MCF2L2: variants seen among roughly 807,000 people sequenced by gnomAD.
MCF2L2 encodes MCF.2 cell line derived transforming sequence-like 2, also known as probable guanine nucleotide exchange factor MCF2L2.
MCF2L2 carries 102 observed loss-of-function variants against 150.2 expected under a neutral mutation model. The observed-to-expected ratio is 0.68, with a 90% confidence interval of 0.58 to 0.80. The LOEUF is 0.80. Ranked by LOEUF, MCF2L2 falls within the 30% of genes least tolerant of loss-of-function variation. MCF2L2 has a pLI of 0.00. For missense variants in MCF2L2, 1,256 were observed against 1,372.8 expected, an observed-to-expected ratio of 0.91 and a Z score of 1.34; for synonymous variants, 465 against 491.3, an observed-to-expected ratio of 0.95 and a Z score of 0.71.
Position 183,307,749 on chromosome 3 carries a change from A to C in MCF2L2, c.1113+1967T>G, listed in dbSNP as rs571590217. ...AAGACACAGCCCAGAGCGCCTTCCA[A>C]GGGCTTTCTGTTCCACTGAGAATAA... On this transcript the variant is annotated intron_variant, in intron 10 of 29. Transcript: ENST00000328913. Among the ~76,000 whole-genome samples the C allele has an allele frequency of 1.1e-4, 16 of 152,380 alleles. No individual in the cohort carries two copies. The South Asian group carries it at 2.9e-3, about 28-fold the overall frequency.
At chr3:183,213,164 T>C (rs1271935796) in intron 22 of MCF2L2, among the ~76,000 whole-genome samples, 3 of 152,032 alleles carry the variant, frequency 2.0e-5, no homozygotes, top group African/African-American at 7.2e-5. Context: ...AGGAAGACTG[T>C]TTCATTCAAT....
At chr3:183,348,687 C>A (rs1273383745) in intron 3 of MCF2L2, among the ~76,000 whole-genome samples, 1 of 152,050 alleles carries the variant, frequency 6.6e-6, no homozygotes, top group Non-Finnish European at 1.5e-5. Context: ...AAAACATACA[C>A]CATGCTATCA....
chr3:183,223,254 C>G (rs1723208597), intron 20 of MCF2L2, 92 bp downstream of exon 20: 1 of 923,670 alleles, frequency 1.1e-6, no homozygotes, highest in Non-Finnish European at 1.7e-6. Flanking sequence ...CTTAGAAGAC[C>G]AAGGCACAGC....
chr3:183,229,586 T>C, intron 17 of MCF2L2, 80 bp downstream of exon 17: 1 of 686,174 alleles, frequency 1.5e-6, no homozygotes, highest in Non-Finnish European at 2.5e-6. Flanking sequence ...TCTAAGTGTT[T>C]TCATCTCTCA....
chr3:183,191,118 C>T (rs1420300931), intron 27 of MCF2L2, among the ~76,000 whole-genome samples: 3 of 152,140 alleles, frequency 2.0e-5, no homozygotes, highest in Non-Finnish European at 2.9e-5. Context: ...TCAGGTGATC[C>T]GCCCACCTCG....
chr3:183,324,557 C>T (rs1371849483), intron 5 of MCF2L2, among the ~76,000 whole-genome samples: 1 of 152,080 alleles, frequency 6.6e-6, no homozygotes, highest in Admixed American at 6.6e-5. Context: ...AATGAATCCA[C>T]TTTGGAATGA....
At position 183,276,947 on chromosome 3, in the gene MCF2L2, A is replaced by G; in HGVS notation, c.1787T>C (p.Ile596Thr). The G allele has an allele frequency of 2.5e-6, 4 of 1,606,154 alleles. No individual in the cohort carries two copies. Among genetic ancestry groups the G allele is most frequent in the Non-Finnish European group, 2.6e-6 (3 of 1,175,508 alleles). ...ETKFEVKSEE[I>T]FESHHERGNP... ...CCCCCTTTCATGATGGCTTTCAAAGATTTCTTCACTCTGAAGTGAAAGAAA... is the reference window on the plus strand; with the variant it reads ...CCCCCTTTCATGATGGCTTTCAAAGGTTTCTTCACTCTGAAGTGAAAGAAA... Residue 596 changes from isoleucine to threonine, a missense_variant, in exon 15 of 30, where the codon ATC becomes ACC. By Grantham distance (89) the Ile-to-Thr change is moderately conservative. Coordinates refer to ENST00000328913, the MANE Select transcript of MCF2L2 (RefSeq NM_015078.4).
At chr3:183,402,435 C>T (rs1437789381) in intron 1 of MCF2L2, among the ~76,000 whole-genome samples, 1 of 110,068 alleles carries the variant, frequency 9.1e-6, no homozygotes. Flanking sequence ...GCCTGGGCTA[C>T]AGAGCGAGAC....
intron 21 of MCF2L2, among the ~76,000 whole-genome samples, chr3:183,217,854 G>A (rs968947142): frequency 6.6e-6 from 1 of 152,152 alleles, no homozygotes; most frequent in Admixed American, 6.6e-5. Flanking sequence ...AGAGACCAAT[G>A]TTCCAATTAC....
intron 14 of MCF2L2, among the ~76,000 whole-genome samples, chr3:183,278,714 C>T (rs557379666): frequency 1.2e-4 from 18 of 152,274 alleles, no homozygotes; most frequent in South Asian, 6.2e-4. Context: ...TGTGCTCTTT[C>T]GAACTCCGTT....
chr3:183,195,978 T>TTCCC, intron 25 of MCF2L2, among the ~76,000 whole-genome samples: 1 of 152,208 alleles, frequency 6.6e-6, no homozygotes, highest in Non-Finnish European at 1.5e-5. Context: ...TTTGCCTTGT[T>TTCCC]TCCCACCCAC....
intron 2 of MCF2L2, 51 bp from the exon 3 acceptor site, chr3:183,379,462 A>C (rs1326849169): frequency 7.8e-7 from 1 of 1,284,740 alleles, no homozygotes; most frequent in Admixed American, 1.9e-5. Flanking sequence ...GTCCTGTCAC[A>C]CCTCTGCAGG....
At chr3:183,335,827 C>A (rs1378137120) in intron 5 of MCF2L2, among the ~76,000 whole-genome samples, 1 of 152,194 alleles carries the variant, frequency 6.6e-6, no homozygotes, top group Non-Finnish European at 1.5e-5. Context: ...AGCTATTGCA[C>A]TCTAGCCTGG....
At chr3:183,222,252 A>G (rs1348679957) in intron 20 of MCF2L2, among the ~76,000 whole-genome samples, 1 of 152,110 alleles carries the variant, frequency 6.6e-6, no homozygotes, top group Non-Finnish European at 1.5e-5. Context: ...AGTCCAGAGC[A>G]TGGCTGGTAT....
At chr3:183,397,322 G>A (rs1714521110) in intron 1 of MCF2L2, among the ~76,000 whole-genome samples, 1 of 152,202 alleles carries the variant, frequency 6.6e-6, no homozygotes, top group South Asian at 2.1e-4. Flanking sequence ...CCAGGATAGT[G>A]CATTCTTGCC....
intron 15 of MCF2L2, among the ~76,000 whole-genome samples, chr3:183,255,814 A>AG (rs1724991418): frequency 6.6e-6 from 1 of 152,082 alleles, no homozygotes; most frequent in African/African-American, 2.4e-5. Flanking sequence ...TTGTAAAAAA[A>AG]AAAAAAAAGA....
At chr3:183,245,109 T>C (rs990903235) in intron 15 of MCF2L2, among the ~76,000 whole-genome samples, 3 of 152,138 alleles carry the variant, frequency 2.0e-5, no homozygotes, top group Admixed American at 2.0e-4. Flanking sequence ...TATAAATATG[T>C]TATCATTTCT....
intron 3 of MCF2L2, among the ~76,000 whole-genome samples, chr3:183,353,644 T>C (rs1711600441): frequency 6.6e-6 from 1 of 152,002 alleles, no homozygotes; most frequent in African/African-American, 2.4e-5. Flanking sequence ...AACCAGATCT[T>C]GTGAGGACTC....
chr3:183,231,967 C>T (rs188550164), intron 15 of MCF2L2, among the ~76,000 whole-genome samples: 297 of 152,290 alleles, frequency 2.0e-3, no homozygotes, highest in Admixed American at 3.1e-3. Flanking sequence ...ACTGCACATA[C>T]GCCTCTTCCA....
Sources: allele counts gnomAD v4.1 joint callset (sites outside exome capture counted in the v4.1 genomes callset), GRCh38; gene constraint gnomAD v4.1.1; transcripts MANE v1.5; gene names NCBI Gene and HGNC (gene_info 2026-07-23, HGNC 2026-07-21).